KREMEN1: variants seen among roughly 807,000 people sequenced by gnomAD.
KREMEN1 encodes the protein kringle containing transmembrane protein 1.
Under a neutral mutation model 46.5 loss-of-function variants are expected in KREMEN1, and 30 were observed. The observed-to-expected ratio is 0.65, with a 90% CI of 0.48 to 0.88. The LOEUF (loss-of-function observed/expected upper bound fraction) is 0.88. Among genes scored for constraint, KREMEN1 ranks in the 40% least tolerant of loss-of-function variants. The pLI is 0.00. For synonymous variants in KREMEN1, 214 were observed against 230.6 expected (o/e 0.93, Z 0.65); for missense variants, 533 against 596.9 (o/e 0.89, Z 1.11).
chr22:29,137,231 A>G (rs756753971), intron 5 of KREMEN1, 111 bp from the exon 6 acceptor site: 7 of 682,448 alleles, frequency 1.0e-5, no homozygotes, highest in Non-Finnish European at 1.4e-5. Context: ...GATAGAAACA[A>G]TGTCCTAAAT....
Position 29,144,929 on chromosome 22 carries a change from C to T in KREMEN1, c.*2817C>T, listed in dbSNP as rs546569263. The T allele has an allele frequency of 3.9e-4, 384 of 985,550 alleles. 1 individual carries two copies. The African/African-American group carries it at 4.4e-3, about 11-fold the overall frequency. The allele number at this position is 985,550 out of a possible 1,614,324, so 61.1% of individuals were successfully genotyped here. On this transcript the variant is annotated 3_prime_UTR_variant, in exon 9 of 9. Coordinates refer to ENST00000400335, the MANE Select transcript of KREMEN1 (RefSeq NM_001039570.3). ...TGCCCCAGCGCTTCTCTTCCTGCCT[C>T]GCCCTGGCATGGCCCAGCGCCTCTA... is the stretch of plus-strand genomic sequence containing the variant.
chr22:29,088,621 C>T (rs898651966), intron 1 of KREMEN1, among the ~76,000 whole-genome samples: 7 of 152,142 alleles, frequency 4.6e-5, no homozygotes, highest in Non-Finnish European at 1.0e-4. Context: ...TGGGCCACCG[C>T]ACCTGGCCTC....
At chr22:29,103,380 C>CTACA (rs1257354024) in intron 3 of KREMEN1, among the ~76,000 whole-genome samples, 1 of 152,130 alleles carries the variant, frequency 6.6e-6, no homozygotes, top group Non-Finnish European at 1.5e-5. Flanking sequence ...ATGTGTAGAG[C>CTACA]TACAACAAGC....
At chr22:29,139,385 T>G (rs190524710) in intron 7 of KREMEN1, among the ~76,000 whole-genome samples, 2 of 152,322 alleles carry the variant, frequency 1.3e-5, no homozygotes, top group African/African-American at 4.8e-5. Flanking sequence ...GAAGATTGCT[T>G]GAGGCCAGGA....
rs1430067403 is a variant in KREMEN1 at position 29,094,392 on chromosome 22, G to C, written c.232G>C (p.Gly78Arg). ...YNTLKYPNGE[G>R]GLGEHNYCRN... ...CACTCTGAAATACCCCAACGGGGAG[G>C]GGGGCCTGGGTGAGCACAACTATTG... The change falls in exon 2 of 9, where the codon GGG becomes CGG. Residue 78 changes from glycine to arginine, a missense_variant. Transcript: ENST00000400335. 5 of 1,613,666 alleles carry C rather than the reference G, an allele frequency of 3.1e-6. No individual in the cohort carries two copies. Among genetic ancestry groups the C allele is most frequent in the Non-Finnish European group, 4.2e-6 (5 of 1,179,884 alleles).
chr22:29,161,296 A>G (rs2039007818), intron 9 of KREMEN1, among the ~76,000 whole-genome samples: 1 of 151,822 alleles, frequency 6.6e-6, no homozygotes, highest in Middle Eastern at 3.4e-3. Flanking sequence ...TCATGAGGTC[A>G]GGAGATCGAG....
At chr22:29,105,350 A>G (rs1451639749) in intron 3 of KREMEN1, among the ~76,000 whole-genome samples, 7 of 150,502 alleles carry the variant, frequency 4.7e-5, no homozygotes, top group African/African-American at 1.7e-4. Flanking sequence ...CTGCAGGACT[A>G]CACTTTAAGT....
chr22:29,090,005 C>T (rs1347205370), intron 1 of KREMEN1, among the ~76,000 whole-genome samples: 1 of 152,230 alleles, frequency 6.6e-6, no homozygotes, highest in African/African-American at 2.4e-5. Flanking sequence ...TAGCACTTAT[C>T]ACTATCTGAT....
intron 9 of KREMEN1, among the ~76,000 whole-genome samples, chr22:29,155,856 G>A (rs1038044651): frequency 2.0e-5 from 3 of 151,984 alleles, no homozygotes; most frequent in African/African-American, 7.3e-5. Flanking sequence ...CTACTCAGGA[G>A]GCTGAGGCAG....
At chr22:29,112,923 C>T (rs888656464) in intron 3 of KREMEN1, among the ~76,000 whole-genome samples, 2 of 138,388 alleles carry the variant, frequency 1.4e-5, no homozygotes, top group African/African-American at 5.5e-5. Flanking sequence ...GACTAGACTT[C>T]GAGCCACACT....
chr22:29,144,185 C>T lies in KREMEN1; in HGVS notation c.*2073C>T. On this transcript the variant is annotated 3_prime_UTR_variant, in exon 9 of 9. Coordinates refer to ENST00000400335, the MANE Select transcript of KREMEN1 (RefSeq NM_001039570.3). ...GCGTTTCCTCTTTGCAGCACTTTGC[C>T]TACCTCCCCCAAGCCCTGAGCCACT... 1.0e-6 allele frequency: 1 copy of T among 985,652 alleles called. No individual in the cohort carries two copies. The highest frequency in any genetic ancestry group is 1.2e-6 in the Non-Finnish European group (1 of 830,080). 61.1% of individuals were successfully genotyped at this position (985,652 alleles called of 1,614,324 possible).
chr22:29,137,660 C>T lies in KREMEN1; in HGVS notation c.950C>T (p.Ala317Val), dbSNP rs1212170247. The change falls in exon 6 of 9, where the codon GCT (alanine) becomes GTT (valine). Residue 317 changes from alanine to valine, a missense_variant. Transcript: ENST00000400335. ...CGCATCAATCAGGCCCAGGGATTTG[C>T]TGTTTTATACCAAGGTAAGACATCT... Reference protein sequence around the residue: ...SDRINQAQGFAVLYQAVKEEL... With the variant: ...SDRINQAQGFVVLYQAVKEEL... 2.5e-6 allele frequency: 4 copies of T among 1,590,756 alleles called. No individual in the cohort carries two copies. The Middle Eastern group carries it at 6.7e-4, about 266-fold the overall frequency.
intron 3 of KREMEN1, among the ~76,000 whole-genome samples, chr22:29,105,288 T>A (rs546019111): frequency 1.3e-5 from 2 of 151,560 alleles, no homozygotes; most frequent in East Asian, 3.9e-4. Flanking sequence ...TTCTTATCAG[T>A]ATGTCTAGAA....
chr22:29,087,726 C>T (rs892236634), intron 1 of KREMEN1, among the ~76,000 whole-genome samples: 2 of 152,108 alleles, frequency 1.3e-5, no homozygotes, highest in Non-Finnish European at 2.9e-5. Context: ...CCAACATGCT[C>T]GGCTAATTTT....
At chr22:29,137,022 G>A (rs1450600431) in intron 5 of KREMEN1, among the ~76,000 whole-genome samples, 1 of 152,176 alleles carries the variant, frequency 6.6e-6, no homozygotes, top group African/African-American at 2.4e-5. Flanking sequence ...AGAAGCAAGA[G>A]GCCCGCGAGT....
At chr22:29,140,999 T>G (rs76155071) in intron 8 of KREMEN1, among the ~76,000 whole-genome samples, 158 of 152,350 alleles carry the variant, frequency 1.0e-3, no homozygotes, top group African/African-American at 3.6e-3. Context: ...TTTCCGGTGC[T>G]TTCTACTCCA....
chr22:29,150,391 A>G (rs1012367794), downstream of KREMEN1, among the ~76,000 whole-genome samples: 1 of 152,214 alleles, frequency 6.6e-6, no homozygotes, highest in African/African-American at 2.4e-5. Flanking sequence ...GGGGCTCCAC[A>G]AGAAGCGTTT....
At chr22:29,108,106 T>G (rs2038089799) in intron 3 of KREMEN1, among the ~76,000 whole-genome samples, 1 of 152,198 alleles carries the variant, frequency 6.6e-6, no homozygotes, top group Non-Finnish European at 1.5e-5. Flanking sequence ...GGCAATGTGG[T>G]GAAACCCTGT....
chr22:29,168,147 C>T (rs887809255), exon 10 of KREMEN1: 1 of 152,198 alleles, frequency 6.6e-6, no homozygotes, highest in East Asian at 1.9e-4. Flanking sequence ...CCAGCCTGGC[C>T]AACATGGCGA....
Sources: allele counts gnomAD v4.1 joint callset (sites outside exome capture counted in the v4.1 genomes callset), GRCh38; gene constraint gnomAD v4.1.1; transcripts MANE v1.5; gene names NCBI Gene and HGNC (gene_info 2026-07-23, HGNC 2026-07-21).